MED27: variants seen among roughly 807,000 people sequenced by gnomAD.
MED27 encodes the protein mediator complex subunit 27.
MED27 carries 30 observed loss-of-function variants against 38.2 expected under a neutral mutation model. The ratio of observed to expected loss-of-function variants is 0.79; its 90% CI spans 0.59 to 1.07. The LOEUF (loss-of-function observed/expected upper bound fraction) is 1.07. Ranked by LOEUF, MED27 falls within the 50% of genes least tolerant of loss-of-function variation. MED27 has a pLI of 0.00. For synonymous variants in MED27, 122 were observed against 153.5 expected (o/e 0.79, Z 1.52); for missense variants, 289 against 397.5 (o/e 0.73, Z 2.32).
intron 3 of MED27, among the ~76,000 whole-genome samples, chr9:132,001,720 A>G (rs1285856437): frequency 6.6e-6 from 1 of 152,200 alleles, no homozygotes; most frequent in East Asian, 1.9e-4. Flanking sequence ...GCAGGTTCCC[A>G]TCTGTGGCCT....
At chr9:132,009,957 T>G (rs1309817817) in intron 3 of MED27, among the ~76,000 whole-genome samples, 1 of 152,274 alleles carries the variant, frequency 6.6e-6, no homozygotes, top group Non-Finnish European at 1.5e-5. Context: ...TTGTAGATTC[T>G]GGATATTAGC....
In MED27 at chr9:132,014,413, G is replaced by A. The variant is rs146748316; in HGVS notation, c.403C>T (p.Arg135Cys). ...GATACTCCCATCTGATTAGCGGAAC[G>A]CTTCAATGACTGCTGATTTAAAAGG... ...SGLLNQQSLK[R>C]SANQMGVSAK... is the part of the protein sequence containing the mutation. Residue 135 changes from arginine to cysteine, a missense_variant, in exon 3 of 8, where the codon CGT (arginine) becomes TGT (cysteine). By Grantham distance (180) the Arg-to-Cys change is radical (BLOSUM62 -3). Transcript: ENST00000292035. 3.7e-6 allele frequency: 6 copies of A among 1,613,846 alleles called. No homozygotes were observed. Among genetic ancestry groups the A allele is most frequent in the Admixed American group, 1.7e-5 (1 of 59,996 alleles).
intron 3 of MED27, among the ~76,000 whole-genome samples, chr9:131,963,415 T>A (rs77772429): frequency 0.035 from 5,301 of 151,368 alleles, 295 homozygotes; most frequent in African/African-American, 0.12. Flanking sequence ...AACATGAAAA[T>A]TTTTAAAGCC....
At chr9:132,071,167 C>A (rs954105490) in intron 2 of MED27, among the ~76,000 whole-genome samples, 2 of 152,188 alleles carry the variant, frequency 1.3e-5, no homozygotes, top group African/African-American at 4.8e-5. Flanking sequence ...TTATCATTCC[C>A]ATCTTAGAGA....
At chr9:131,985,418 C>G (rs1831827462) in intron 3 of MED27, among the ~76,000 whole-genome samples, 1 of 152,184 alleles carries the variant, frequency 6.6e-6, no homozygotes, top group South Asian at 2.1e-4. Context: ...ATAACACAGT[C>G]AAGTGTCGCA....
At chr9:131,990,922 G>A (rs958674811) in intron 3 of MED27, among the ~76,000 whole-genome samples, 1 of 152,204 alleles carries the variant, frequency 6.6e-6, no homozygotes, top group South Asian at 2.1e-4. Context: ...AACACTTGTA[G>A]TCAATTCATT....
rs893833515 is a variant in MED27 at position 131,872,844 on chromosome 9, A to C, written c.724-9704T>G. Among the ~76,000 whole-genome samples the C allele has an allele frequency of 2.6e-5, 4 of 152,234 alleles. No individual in the cohort carries two copies. Among genetic ancestry groups the C allele is most frequent in the African/African-American group, 9.6e-5 (4 of 41,460 alleles). On this transcript the variant is annotated intron_variant, in intron 6 of 7. Coordinates refer to ENST00000292035, the MANE Select transcript of MED27 (RefSeq NM_004269.4). The surrounding 1 kb of genome is among the most constrained non-coding windows in gnomAD (Gnocchi z 5.6). ...GCGATGGCACCCTCAGGTGGGCCTC[A>C]GATTCCAGGCCAGTTCAAAGAGCTT... is the stretch of plus-strand genomic sequence containing the variant.
intron 4 of MED27, among the ~76,000 whole-genome samples, chr9:131,905,296 G>C (rs758603294): frequency 4.6e-5 from 7 of 152,204 alleles, no homozygotes; most frequent in Non-Finnish European, 8.8e-5. Flanking sequence ...AAAATGTCAA[G>C]GTGCTCCTAA....
Position 131,860,522 on chromosome 9 carries a change from G to A in MED27, c.*16C>T. 2 of 1,502,980 alleles carry A rather than the reference G, an allele frequency of 1.3e-6. No individual in the cohort carries two copies. The highest frequency in any genetic ancestry group is 1.8e-6 in the Non-Finnish European group (2 of 1,126,238). The allele number at this position is 1,502,980 out of a possible 1,614,324, so 93.1% of individuals were successfully genotyped here. A position where few individuals can be genotyped will look rare whatever the true frequency, so the allele number is the denominator to read the frequency against. On this transcript the variant is annotated 3_prime_UTR_variant, in exon 8 of 8. Coordinates refer to ENST00000292035, the MANE Select transcript of MED27 (RefSeq NM_004269.4). The surrounding 1 kb of genome is among the most constrained non-coding windows in gnomAD (Gnocchi z 5.8). The stretch of plus-strand genomic sequence containing the variant: ...AAGGTGCTGGGTGGGGTCTGAGGCT[G>A]GGGCCAGCGTGGGGGCTACTGCCGG...
intron 6 of MED27, among the ~76,000 whole-genome samples, chr9:131,881,199 T>A (rs1369232130): frequency 1.3e-5 from 2 of 152,192 alleles, no homozygotes; most frequent in South Asian, 2.1e-4. Context: ...CCTCAGAATA[T>A]TTTTCAACCA....
chr9:131,868,807 T>G, intron 6 of MED27: 1 of 985,466 alleles, frequency 1.0e-6, no homozygotes, highest in Non-Finnish European at 1.2e-6. Flanking sequence ...GGTAAGTCTT[T>G]GGGAAGCTAC....
At chr9:131,900,263 G>A (rs901906227) in intron 4 of MED27, among the ~76,000 whole-genome samples, 7 of 152,240 alleles carry the variant, frequency 4.6e-5, no homozygotes, top group African/African-American at 7.2e-5. Flanking sequence ...GGCAGCGAGC[G>A]GGGGCCGAAA....
chr9:131,897,038 T>C (rs1829844150), intron 4 of MED27, among the ~76,000 whole-genome samples: 1 of 152,254 alleles, frequency 6.6e-6, no homozygotes, highest in Non-Finnish European at 1.5e-5. Context: ...TCATGTATAT[T>C]TTCAAATCAA....
In MED27 at chr9:131,977,960, C is replaced by CG. The variant is rs1831643796; in HGVS notation, c.479+36376_479+36377insC. ...GGAAGATGGCATGACTATATCACCT[C>CG]CCTGCACCCTGAGGAATGTGGACAC... On this transcript the variant is annotated intron_variant, in intron 3 of 7. Coordinates refer to ENST00000292035, the MANE Select transcript of MED27 (RefSeq NM_004269.4). Among the ~76,000 whole-genome samples, 3 of 152,182 alleles carry CG rather than the reference C, an allele frequency of 2.0e-5. No individual in the cohort carries two copies. In the South Asian group the frequency reaches 6.2e-4, roughly 32 times the overall value.
chr9:131,968,143 T>G lies in MED27; in HGVS notation c.480-28669A>C, dbSNP rs1831392298. Among the ~76,000 whole-genome samples, 3 of 152,088 alleles carry G rather than the reference T, an allele frequency of 2.0e-5. No individual in the cohort carries two copies. In the South Asian group the frequency reaches 6.2e-4, roughly 32 times the overall value. On this transcript the variant is annotated intron_variant, in intron 3 of 7. Transcript: ENST00000292035. ...CCTCATGATTCTTATACTCAGGAAT[T>G]AGAATGGGTCTTAAGCTAAAAGATA...
At chr9:132,078,098 T>C (rs1834094159) in intron 1 of MED27, among the ~76,000 whole-genome samples, 1 of 152,032 alleles carries the variant, frequency 6.6e-6, no homozygotes, top group African/African-American at 2.4e-5. Flanking sequence ...AATAAACAAA[T>C]GGAATGGGAA....
intron 3 of MED27, among the ~76,000 whole-genome samples, chr9:131,965,003 A>G (rs1831308528): frequency 6.6e-6 from 1 of 152,196 alleles, no homozygotes; most frequent in Admixed American, 6.5e-5. Flanking sequence ...ATGCATTATG[A>G]CTTTTATTTA....
At chr9:132,034,846 G>A (rs764480087) in intron 2 of MED27, among the ~76,000 whole-genome samples, 5 of 152,148 alleles carry the variant, frequency 3.3e-5, no homozygotes, top group South Asian at 2.1e-4. Context: ...AAATTGTTAC[G>A]TGTAAAAAGT....
At chr9:131,990,472 T>C (rs1204402131) in intron 3 of MED27, among the ~76,000 whole-genome samples, 1 of 152,222 alleles carries the variant, frequency 6.6e-6, no homozygotes, top group Non-Finnish European at 1.5e-5. Flanking sequence ...GGATTTGTTT[T>C]GTTGTGCAGG....
Sources: allele counts gnomAD v4.1 joint callset (sites outside exome capture counted in the v4.1 genomes callset), GRCh38; gene constraint gnomAD v4.1.1; non-coding constraint Gnocchi (gnomAD v3.1); transcripts MANE v1.5; gene names NCBI Gene and HGNC (gene_info 2026-07-23, HGNC 2026-07-21).